AFF2: variants seen among roughly 807,000 people sequenced by gnomAD.
AFF2 encodes the protein ALF transcription elongation factor 2, also known as AF4/FMR2 family member 2.
AFF2 carries 14 observed loss-of-function variants against 76.9 expected under a neutral mutation model. That is an observed-to-expected ratio of 0.18 (90% CI 0.12 to 0.28). The LOEUF is 0.28. Among genes scored for constraint, AFF2 ranks in the 10% least tolerant of loss-of-function variants. The pLI is 1.00. For synonymous variants in AFF2, 398 were observed against 366.7 expected (o/e 1.09, Z -0.98); for missense variants, 868 against 1,001.1 (o/e 0.87, Z 1.79).
chrX:148,819,509 T>C (rs1226217877), intron 4 of AFF2, among the ~76,000 whole-genome samples: 1 of 111,425 alleles, frequency 9.0e-6, no homozygotes, highest in Non-Finnish European at 1.9e-5. Context: ...TAAATCAGGT[T>C]GTCTATTACC....
chrX:148,997,003 G>A lies in AFF2; in HGVS notation c.*5671G>A, dbSNP rs1448153232. ...TTACTGTGTTTTTCTTTTATGTGAC[G>A]TGGAAACTCAGTAATTCTCCCACCT... On this transcript the variant is annotated 3_prime_UTR_variant, in exon 21 of 21. Transcript: ENST00000370460. The A allele has an allele frequency of 6.3e-5, 7 of 111,905 alleles. No homozygotes were observed. Among genetic ancestry groups the A allele is most frequent in the Middle Eastern group, 4.6e-3 (1 of 218 alleles). The allele number at this position is 111,905 out of a possible 1,213,427, so 9.2% of individuals were successfully genotyped here.
At chrX:148,703,170 C>T (rs1416983702) in intron 3 of AFF2, among the ~76,000 whole-genome samples, 1 of 111,996 alleles carries the variant, frequency 8.9e-6, no homozygotes, top group Non-Finnish European at 1.9e-5. Context: ...TTCAGCATTT[C>T]CTGTTACCTT....
chrX:148,671,726 T>C (rs1205239662), intron 3 of AFF2, among the ~76,000 whole-genome samples: 1 of 111,181 alleles, frequency 9.0e-6, no homozygotes, highest in African/African-American at 3.3e-5. Context: ...ATTGGATCTT[T>C]TTAGGGATTG....
intron 3 of AFF2, among the ~76,000 whole-genome samples, chrX:148,749,888 C>A (rs1214628718): frequency 3.6e-5 from 4 of 111,466 alleles, no homozygotes; most frequent in East Asian, 2.8e-4. Context: ...TCACCCACTG[C>A]CTCCTCCTCA....
intron 1 of AFF2, among the ~76,000 whole-genome samples, chrX:148,610,357 C>T (rs943725600): frequency 1.8e-5 from 2 of 111,580 alleles, no homozygotes; most frequent in African/African-American, 6.5e-5. Context: ...TTATTCTACC[C>T]GATCATGATG....
At position 148,956,943 on chromosome X, in the gene AFF2, C is replaced by A. The variant is rs1024324733; in HGVS notation, c.2568+330C>A. Among the ~76,000 whole-genome samples, 50 of 112,798 alleles carry A rather than the reference C, an allele frequency of 4.4e-4. 1 individual carries two copies. The highest frequency in any genetic ancestry group is 4.9e-4 in the Non-Finnish European group (26 of 53,355). On this transcript the variant is annotated intron_variant, in intron 11 of 20. Coordinates refer to ENST00000370460, the MANE Select transcript of AFF2 (RefSeq NM_002025.4). Reference sequence around the variant, plus strand: ...TGCATCTTCTAGGGCTTTTTAATTTCTCTGGACAAACATTAGCATCTCCAC... The same window carrying A: ...TGCATCTTCTAGGGCTTTTTAATTTATCTGGACAAACATTAGCATCTCCAC...
Position 148,907,713 on chromosome X carries a change from C to A in AFF2, c.1397+3455C>A, listed in dbSNP as rs1355959854. Among the ~76,000 whole-genome samples, 3 of 111,397 alleles carry A rather than the reference C, an allele frequency of 2.7e-5. No individual in the cohort carries two copies. The South Asian group carries it at 1.1e-3, about 43-fold the overall frequency. On this transcript the variant is annotated intron_variant, in intron 9 of 20. Transcript: ENST00000370460. ...AGGGCGAGATCACAGGACCACAGGACCGGGGCAAAATTAAAATTGCTAATG... is the reference window on the plus strand; with the variant it reads ...AGGGCGAGATCACAGGACCACAGGAACGGGGCAAAATTAAAATTGCTAATG...
intron 1 of AFF2, 80 bp downstream of exon 1, chrX:148,501,224 G>A: frequency 1.7e-6 from 2 of 1,151,364 alleles, no homozygotes; most frequent in East Asian, 3.0e-5. Context: ...GTTAAGAGGA[G>A]CTGAAGCTGT....
intron 1 of AFF2, among the ~76,000 whole-genome samples, chrX:148,566,765 C>T (rs1419739621): frequency 1.8e-5 from 2 of 111,105 alleles, no homozygotes; most frequent in Admixed American, 9.7e-5. Context: ...GGATCTTTGA[C>T]AATTCTGTGA....
At position 148,996,246 on chromosome X, in the gene AFF2, T is replaced by C. The variant is rs1301140873; in HGVS notation, c.*4914T>C. ...CCAACGAGGCTAAGTTAATGCCGTGTTGCCCAGAACAAGATCTAGCTTCTC... is the reference window on the plus strand; with the variant it reads ...CCAACGAGGCTAAGTTAATGCCGTGCTGCCCAGAACAAGATCTAGCTTCTC... On this transcript the variant is annotated 3_prime_UTR_variant, in exon 21 of 21. Transcript: ENST00000370460. 8.9e-5 allele frequency: 10 copies of C among 112,692 alleles called. No homozygotes were observed. Among genetic ancestry groups the C allele is most frequent in the Admixed American group, 8.4e-4 (9 of 10,717 alleles). The allele number at this position is 112,692 out of a possible 1,213,427, so 9.3% of individuals were successfully genotyped here. A position where few individuals can be genotyped will look rare whatever the true frequency, so the allele number is the denominator to read the frequency against.
At chrX:148,526,766 A>C (rs1442638235) in intron 1 of AFF2, among the ~76,000 whole-genome samples, 3 of 111,553 alleles carry the variant, frequency 2.7e-5, no homozygotes, top group Non-Finnish European at 5.7e-5. Context: ...TATATACAGC[A>C]TATTAAAATA....
chrX:148,806,326 G>A (rs2070132790), intron 3 of AFF2, among the ~76,000 whole-genome samples: 2 of 112,258 alleles, frequency 1.8e-5, no homozygotes, highest in Non-Finnish European at 3.8e-5. Flanking sequence ...CTCAGTGACT[G>A]AAGTGGCCTC....
intron 1 of AFF2, among the ~76,000 whole-genome samples, chrX:148,614,118 A>G (rs1371489616): frequency 8.9e-6 from 1 of 112,356 alleles, no homozygotes; most frequent in African/African-American, 3.2e-5. Flanking sequence ...TGGAGAGCTC[A>G]ATTGTTAGGA....
intron 7 of AFF2, among the ~76,000 whole-genome samples, chrX:148,884,528 G>C (rs2071134696): frequency 8.9e-6 from 1 of 112,988 alleles, no homozygotes; most frequent in African/African-American, 3.2e-5. Context: ...GGATTACAGA[G>C]ATGGAAATTT....
intron 8 of AFF2, among the ~76,000 whole-genome samples, chrX:148,900,658 G>A (rs1211460703): frequency 9.0e-6 from 1 of 111,463 alleles, no homozygotes; most frequent in Non-Finnish European, 1.9e-5. Context: ...AGTGTGGAAG[G>A]AGGGGCTACT....
chrX:148,653,321 T>A (rs1214557441), intron 2 of AFF2, among the ~76,000 whole-genome samples: 2 of 110,991 alleles, frequency 1.8e-5, no homozygotes, highest in African/African-American at 6.5e-5. Context: ...TAACAAACAT[T>A]TATGAAGGTC....
intron 11 of AFF2, 120 bp downstream of exon 11, chrX:148,956,733 G>T: frequency 1.6e-6 from 1 of 637,266 alleles, no homozygotes; most frequent in Non-Finnish European, 2.3e-6. Context: ...TTTGGCAAAG[G>T]TGATGATGCT....
intron 13 of AFF2, among the ~76,000 whole-genome samples, 185 bp downstream of exon 13, chrX:148,963,122 G>A (rs1295780336): frequency 3.6e-5 from 4 of 111,728 alleles, no homozygotes; most frequent in Non-Finnish European, 7.5e-5. Context: ...CTAGTATATT[G>A]TCACAAATCA....
chrX:148,707,166 G>T (rs1431332423), intron 3 of AFF2, among the ~76,000 whole-genome samples: 4 of 112,102 alleles, frequency 3.6e-5, no homozygotes, highest in Admixed American at 9.5e-5. Flanking sequence ...TGTCAAAATA[G>T]AATGTGAATA....
Sources: gnomAD v4.1 joint callset for allele counts (sites outside exome capture counted in the v4.1 genomes callset) on GRCh38, gnomAD v4.1.1 for gene constraint, MANE v1.5 for transcripts, NCBI Gene and HGNC (gene_info 2026-07-23, HGNC 2026-07-21) for gene names.